The following FBXL5 variants were observed in gnomAD, a reference collection of about 807,000 sequenced individuals.
The protein encoded by FBXL5 is F-box and leucine rich repeat protein 5.
In FBXL5, 26 loss-of-function variants were observed where a neutral mutation model predicts 78.3. The observed-to-expected ratio is 0.33, with a 90% CI of 0.24 to 0.46. FBXL5 has a LOEUF of 0.46. Ranked by LOEUF, FBXL5 falls within the 20% of genes least tolerant of loss-of-function variation. The probability of loss-of-function intolerance (pLI) is 1.00; values close to 1 mark genes in which losing one functional copy is unlikely to be tolerated. For missense variants in FBXL5, 710 were observed against 829.2 expected, an observed-to-expected ratio of 0.86 and a Z score of 1.77; for synonymous variants, 295 against 282.5, an observed-to-expected ratio of 1.04 and a Z score of -0.45.
chr4:15,607,269 G>A (rs1283095562), intron 10 of FBXL5, among the ~76,000 whole-genome samples: 4 of 152,042 alleles, frequency 2.6e-5, no homozygotes, highest in African/African-American at 9.7e-5. Context: ...TGTATTATTC[G>A]ATGTTAAATT....
At chr4:15,650,582 TA>T (rs537596168) in intron 1 of FBXL5, among the ~76,000 whole-genome samples, 169 of 151,764 alleles carry the variant, frequency 1.1e-3, no homozygotes, top group African/African-American at 3.9e-3. Flanking sequence ...AAAGAACTTA[TA>T]TATATAAAAG....
At chr4:15,648,850 A>G (rs1480273362) in intron 1 of FBXL5, among the ~76,000 whole-genome samples, 1 of 152,198 alleles carries the variant, frequency 6.6e-6, no homozygotes, top group Non-Finnish European at 1.5e-5. Flanking sequence ...CTGAGAGTAC[A>G]TCCTCTGTGT....
intron 9 of FBXL5, among the ~76,000 whole-genome samples, chr4:15,615,696 T>A (rs1711772223): frequency 6.6e-6 from 1 of 150,704 alleles, no homozygotes; most frequent in Admixed American, 6.6e-5. Context: ...GTGACGAAAC[T>A]CTGTATCTAA....
chr4:15,620,949 A>G (rs1382109484), intron 9 of FBXL5, among the ~76,000 whole-genome samples: 1 of 152,228 alleles, frequency 6.6e-6, no homozygotes, highest in Non-Finnish European at 1.5e-5. Context: ...TAGTTAATCT[A>G]GTATCTATAG....
chr4:15,629,416 A>G (rs1713396488), intron 6 of FBXL5, among the ~76,000 whole-genome samples: 2 of 152,108 alleles, frequency 1.3e-5, no homozygotes, highest in Non-Finnish European at 2.9e-5. Context: ...TTCCCAAAGG[A>G]CCTTAACTAA....
At chr4:15,625,163 T>C (rs1244144925) in intron 9 of FBXL5, 89 bp downstream of exon 9, 2 of 1,422,138 alleles carry the variant, frequency 1.4e-6, no homozygotes, top group East Asian at 4.6e-5. Context: ...GTAAATCAAC[T>C]GAAAAGAATG....
chr4:15,668,042 TAAA>T (rs36082259), intron 1 of FBXL5, among the ~76,000 whole-genome samples: 1 of 132,472 alleles, frequency 7.5e-6, no homozygotes. Context: ...ACTCTATCTC[TAAA>T]AAAAAAAAAA....
intron 4 of FBXL5, 60 bp from the exon 5 acceptor site, chr4:15,636,736 T>C: frequency 8.1e-7 from 1 of 1,231,458 alleles, no homozygotes; most frequent in Non-Finnish European, 1.1e-6. Flanking sequence ...AATAAGAAAT[T>C]ACAATTACAT....
At chr4:15,619,565 A>G (rs13147590) in intron 9 of FBXL5, among the ~76,000 whole-genome samples, 55,936 of 148,224 alleles carry the variant, frequency 0.38, 10,415 homozygotes, top group South Asian at 0.48. Flanking sequence ...TCAGTGGTGA[A>G]AGATACAAGC....
At chr4:15,677,638 G>A (rs1376754313) in intron 1 of FBXL5, among the ~76,000 whole-genome samples, 5 of 152,156 alleles carry the variant, frequency 3.3e-5, no homozygotes, top group African/African-American at 1.2e-4. Context: ...TAATGTGCTG[G>A]GAGGGTGGCA....
chr4:15,617,781 G>A (rs942971006), intron 9 of FBXL5, among the ~76,000 whole-genome samples: 1 of 152,122 alleles, frequency 6.6e-6, no homozygotes, highest in Non-Finnish European at 1.5e-5. Context: ...CACATGGAAG[G>A]AAACAACACA....
intron 5 of FBXL5, among the ~76,000 whole-genome samples, chr4:15,635,287 C>A (rs1259240545): frequency 6.7e-6 from 1 of 149,464 alleles, no homozygotes; most frequent in Non-Finnish European, 1.5e-5. Flanking sequence ...GATCCAAGAT[C>A]GTGCCACTGA....
upstream of FBXL5, among the ~76,000 whole-genome samples, chr4:15,664,516 A>G (rs1444596318): frequency 6.7e-6 from 1 of 149,084 alleles, no homozygotes; most frequent in Non-Finnish European, 1.5e-5. Context: ...TGACATAAAC[A>G]TATCTTTTTC....
Position 15,627,954 on chromosome 4 carries a change from A to G in FBXL5, c.972T>C (p.Val324=), listed in dbSNP as rs1482394975. 6.2e-7 allele frequency: 1 copy of G among 1,613,904 alleles called. No individual in the cohort carries two copies. The highest frequency in any genetic ancestry group is 1.7e-5 in the Admixed American group (1 of 60,024). The change falls in exon 7 of 11, where the codon GTT becomes GTC. Residue 324 remains valine (V), a synonymous_variant. Coordinates refer to ENST00000341285, the MANE Select transcript of FBXL5 (RefSeq NM_012161.4). ...TTACAGAAGTACCAACATATGGTAG[A>G]ACGTTATGAATTAAGCCATGGAGTA... ...KRLLHGLIHN[V]LPYVGTSVKT...
Position 15,626,906 on chromosome 4 carries a change from G to T in FBXL5, c.1091C>A (p.Thr364Asn). ...TGCAGAATCTGAAATGTCAGTCTGG[G>T]TAAGATCCAGATGCTCCAGGTTAGG... Reference protein sequence around the residue: ...LCPNLEHLDLTQTDISDSAFD... With the variant: ...LCPNLEHLDLNQTDISDSAFD... Residue 364 changes from threonine to asparagine, a missense_variant, in exon 8 of 11, where the codon ACC becomes AAC. This residue lies in a region of FBXL5 where 517 missense variants were observed against 542.9 expected (regional missense o/e 0.95). Transcript: ENST00000341285. 6.2e-7 allele frequency: 1 copy of T among 1,611,858 alleles called. No individual in the cohort carries two copies. Among genetic ancestry groups the T allele is most frequent in the Non-Finnish European group, 8.5e-7 (1 of 1,178,928 alleles).
rs1363573490 is a variant in FBXL5 at position 15,670,089 on chromosome 4, G to A, written c.-283-10167C>T. On this transcript the variant is annotated intron_variant, in intron 1 of 4. Transcript: ENST00000507899. ...ATGGAGGTGTACCTTGAAATGAATT[G>A]CATGTGTGTATCAACAGTTCATTCT... Among the ~76,000 whole-genome samples, 17 of 152,260 alleles carry A rather than the reference G, an allele frequency of 1.1e-4. No individual in the cohort carries two copies. In the South Asian group the frequency reaches 2.9e-3, roughly 26 times the overall value.
rs555035321 is a variant in FBXL5 at position 15,622,124 on chromosome 4, C to G, written c.1850+3128G>C. 9.8e-5 allele frequency among the ~76,000 whole-genome samples: 15 copies of G among 152,308 alleles called. No homozygotes were observed. In the South Asian group the frequency reaches 2.9e-3, roughly 29 times the overall value. On this transcript the variant is annotated intron_variant, in intron 9 of 10. Transcript: ENST00000341285. ...CTGGGATTACAGGTGTAAGCCATCA[C>G]ACCCAGCCTCAATGCTCTTTTAACA... is the stretch of plus-strand genomic sequence containing the variant.
At chr4:15,650,297 C>T (rs1715839719) in intron 1 of FBXL5, among the ~76,000 whole-genome samples, 1 of 152,196 alleles carries the variant, frequency 6.6e-6, no homozygotes, top group Non-Finnish European at 1.5e-5. Flanking sequence ...TAACCATGAC[C>T]TTCAGTATGA....
chr4:15,649,893 G>A (rs1235833588), intron 1 of FBXL5, among the ~76,000 whole-genome samples: 1 of 152,054 alleles, frequency 6.6e-6, no homozygotes, highest in Non-Finnish European at 1.5e-5. Context: ...TACAACTAGT[G>A]AACAACAAAA....
Sources: allele counts gnomAD v4.1 joint callset (sites outside exome capture counted in the v4.1 genomes callset), GRCh38; gene constraint gnomAD v4.1.1; regional missense constraint gnomAD v4.1.1; transcripts MANE v1.5; gene names NCBI Gene and HGNC (gene_info 2026-07-23, HGNC 2026-07-21).